The following GLIS3 variants were observed in gnomAD, a reference collection of about 807,000 sequenced individuals.
The protein encoded by GLIS3 is GLIS family zinc finger 3.
GLIS3 carries 53 observed loss-of-function variants against 78.6 expected under a neutral mutation model. The ratio of observed to expected loss-of-function variants is 0.67; its 90% CI spans 0.54 to 0.85. The LOEUF (loss-of-function observed/expected upper bound fraction) is 0.85. Among genes scored for constraint, GLIS3 ranks in the 40% least tolerant of loss-of-function variants. The probability of loss-of-function intolerance (pLI) is 0.00; values close to 1 mark genes in which losing one functional copy is unlikely to be tolerated. For missense variants in GLIS3, 1,703 were observed against 1,231.1 expected, an observed-to-expected ratio of 1.38 and a Z score of -5.74; for synonymous variants, 684 against 509.9, an observed-to-expected ratio of 1.34 and a Z score of -4.60.
chr9:4,277,931 T>G (rs1827177675), intron 2 of GLIS3, among the ~76,000 whole-genome samples: 1 of 152,202 alleles, frequency 6.6e-6, no homozygotes, highest in Non-Finnish European at 1.5e-5. Flanking sequence ...GCGAGACTAA[T>G]AAGTTGCCAA....
At chr9:4,202,778 G>A (rs558461949) in intron 2 of GLIS3, among the ~76,000 whole-genome samples, 1 of 152,216 alleles carries the variant, frequency 6.6e-6, no homozygotes, top group African/African-American at 2.4e-5. Flanking sequence ...GAAGAAGAAT[G>A]AAGTGGGACT....
At chr9:4,145,485 A>T (rs1834151014) in intron 2 of GLIS3, among the ~76,000 whole-genome samples, 1 of 152,134 alleles carries the variant, frequency 6.6e-6, no homozygotes, top group African/African-American at 2.4e-5. Flanking sequence ...GAACAACATG[A>T]TCTAAAACCA....
At chr9:4,347,531 G>A (rs763645276) in intron 1 of GLIS3, among the ~76,000 whole-genome samples, 4 of 152,146 alleles carry the variant, frequency 2.6e-5, no homozygotes, top group Non-Finnish European at 5.9e-5. Flanking sequence ...CAGAAGACCT[G>A]GAAGTGGAGC....
rs535373245 is a variant in GLIS3 at position 3,977,976 on chromosome 9, C to T, written c.1711-40787G>A. ...AAAGGCCAGTTGACACCGCTGGGTG[C>T]ACCCTCCGCTGCTCCAAACCTGAGA... On this transcript the variant is annotated intron_variant, in intron 4 of 10. Coordinates refer to ENST00000381971, the MANE Select transcript of GLIS3 (RefSeq NM_001042413.2). The surrounding 1 kb of genome is among the most constrained non-coding windows in gnomAD (Gnocchi z 4.1). Among the ~76,000 whole-genome samples the T allele has an allele frequency of 1.3e-5, 2 of 152,196 alleles. No individual in the cohort carries two copies. Among genetic ancestry groups the T allele is most frequent in the East Asian group, 3.9e-4 (2 of 5,190 alleles).
At chr9:4,266,660 T>C (rs570541098) in intron 2 of GLIS3, among the ~76,000 whole-genome samples, 1 of 152,104 alleles carries the variant, frequency 6.6e-6, no homozygotes, top group African/African-American at 2.4e-5. Context: ...GCTTCTGGAC[T>C]GTGTACAGAA....
chr9:4,176,283 TAAC>T (rs1816807266), intron 2 of GLIS3, among the ~76,000 whole-genome samples: 1 of 152,120 alleles, frequency 6.6e-6, no homozygotes, highest in Non-Finnish European at 1.5e-5. Context: ...AAAGAAGAAA[TAAC>T]AACGATTTGT....
At chr9:4,231,519 A>T (rs902110381) in intron 2 of GLIS3, among the ~76,000 whole-genome samples, 6 of 152,228 alleles carry the variant, frequency 3.9e-5, no homozygotes, top group African/African-American at 1.4e-4. Context: ...AAGTCCTTAG[A>T]TAGAAAGCAT....
chr9:4,032,793 G>C (rs759704099), intron 4 of GLIS3, among the ~76,000 whole-genome samples: 1 of 151,972 alleles, frequency 6.6e-6, no homozygotes, highest in Non-Finnish European at 1.5e-5. Context: ...ACTGCCAATA[G>C]CATTCTCCTT....
intron 6 of GLIS3, among the ~76,000 whole-genome samples, chr9:3,908,542 T>C (rs1425793723): frequency 3.3e-5 from 5 of 152,142 alleles, no homozygotes; most frequent in Admixed American, 2.0e-4. Context: ...TCTCCCATTA[T>C]GAAATATTTG....
the GLIS3 span, among the ~76,000 whole-genome samples, chr9:4,372,584 C>T: frequency 3.3e-5 from 5 of 151,144 alleles, no homozygotes; most frequent in Admixed American, 2.0e-4. Flanking sequence ...TCACACAGCG[C>T]GTGCACCTAA....
chr9:4,121,788 T>C (rs960346169), intron 3 of GLIS3, among the ~76,000 whole-genome samples: 2 of 152,174 alleles, frequency 1.3e-5, no homozygotes, highest in African/African-American at 4.8e-5. Flanking sequence ...CTCTGCTTAA[T>C]TGAAAGACCT....
At chr9:4,319,243 G>T (rs141261724) in intron 2 of GLIS3, among the ~76,000 whole-genome samples, 65 of 152,238 alleles carry the variant, frequency 4.3e-4, no homozygotes, top group African/African-American at 1.5e-3. Context: ...TCATACTGTG[G>T]TTATGTTAGA....
intron 4 of GLIS3, among the ~76,000 whole-genome samples, chr9:3,943,344 G>T (rs1816073742): frequency 6.6e-6 from 1 of 152,130 alleles, no homozygotes; most frequent in Admixed American, 6.5e-5. Flanking sequence ...GTTTTGTTGG[G>T]ACTAATAACT....
At chr9:4,248,572 T>C (rs1189657776) in intron 2 of GLIS3, among the ~76,000 whole-genome samples, 3 of 152,216 alleles carry the variant, frequency 2.0e-5, no homozygotes, top group Admixed American at 6.5e-5. Flanking sequence ...GTCTTTGTAG[T>C]AGAATGATTT....
At chr9:4,338,740 G>C (rs941083231) in intron 2 of GLIS3, among the ~76,000 whole-genome samples, 1 of 152,176 alleles carries the variant, frequency 6.6e-6, no homozygotes, top group Non-Finnish European at 1.5e-5. Flanking sequence ...AGAAGGAGCT[G>C]CAAGTAGAAA....
the GLIS3 span, among the ~76,000 whole-genome samples, chr9:4,462,305 G>A: frequency 1.3e-5 from 2 of 152,122 alleles, no homozygotes; most frequent in Non-Finnish European, 2.9e-5. Context: ...AATTCTTATA[G>A]CAACTTGATA....
chr9:4,425,026 T>A, the GLIS3 span, among the ~76,000 whole-genome samples: 1 of 152,090 alleles, frequency 6.6e-6, no homozygotes, highest in Non-Finnish European at 1.5e-5. Context: ...TCTTCTTCCT[T>A]CCTCTGTGCT....
At chr9:4,133,739 A>G (rs1313309051) in intron 2 of GLIS3, among the ~76,000 whole-genome samples, 1 of 151,802 alleles carries the variant, frequency 6.6e-6, no homozygotes, top group African/African-American at 2.4e-5. Flanking sequence ...TGTCTCTCAT[A>G]TGGTACCTTT....
At chr9:3,840,496 C>CA (rs759157385) in intron 9 of GLIS3, among the ~76,000 whole-genome samples, 34 of 152,158 alleles carry the variant, frequency 2.2e-4, no homozygotes, top group Non-Finnish European at 4.6e-4. Flanking sequence ...GTTAGGAAGA[C>CA]AGATTTTTCT....
Sources: gnomAD v4.1 joint callset for allele counts (sites outside exome capture counted in the v4.1 genomes callset) on GRCh38, gnomAD v4.1.1 for gene constraint, Gnocchi (gnomAD v3.1) non-coding constraint, MANE v1.5 for transcripts, NCBI Gene and HGNC (gene_info 2026-07-23, HGNC 2026-07-21) for gene names.